The following LMAN1 variants were observed in gnomAD, a reference collection of about 807,000 sequenced individuals.
The protein encoded by LMAN1 is protein ERGIC-53.
LMAN1 carries 32 observed loss-of-function variants against 67.8 expected under a neutral mutation model. That is an observed-to-expected ratio of 0.47 (90% CI 0.36 to 0.63). The LOEUF is 0.63. LMAN1 is among the 30% of genes least tolerant of loss of function. The pLI is 0.00. For synonymous variants in LMAN1, 235 were observed against 219.3 expected (o/e 1.07, Z -0.63); for missense variants, 632 against 628.2 (o/e 1.01, Z -0.06).
In LMAN1 at chr18:59,355,325, G is replaced by A; in HGVS notation, c.465C>T (p.Asp155=). The A allele has an allele frequency of 1.9e-6, 3 of 1,611,526 alleles. No homozygotes were observed. Among genetic ancestry groups the A allele is most frequent in the Non-Finnish European group, 2.5e-6 (3 of 1,177,998 alleles). The change falls in exon 3 of 13, where the codon GAC becomes GAT. Residue 155 remains aspartate (D), a synonymous_variant. Transcript: ENST00000251047. The part of the protein sequence containing the change: ...NGVGIFFDSF[D]NDGKKNNPAI... ...ACAATAAATATACCTTTCCATCATT[G>A]TCAAAAGAATCAAAAAATATTCCAA...
chr18:59,358,991 G>A (rs767703062), intron 1 of LMAN1, 40 bp downstream of exon 1: 4 of 1,588,050 alleles, frequency 2.5e-6, no homozygotes, highest in East Asian at 2.2e-5. Context: ...CAGCAGAAGG[G>A]GGAGAGGAAC....
intron 10 of LMAN1, among the ~76,000 whole-genome samples, chr18:59,334,251 T>A (rs1908093071): frequency 6.6e-6 from 1 of 152,218 alleles, no homozygotes; most frequent in African/African-American, 2.4e-5. Flanking sequence ...GTCACTTAAT[T>A]TGCTCCTACT....
At chr18:59,340,097 C>A (rs1390301977) in intron 8 of LMAN1, among the ~76,000 whole-genome samples, 1 of 152,158 alleles carries the variant, frequency 6.6e-6, no homozygotes, top group Non-Finnish European at 1.5e-5. Flanking sequence ...AGGAAGGGCC[C>A]TGCTCTCCCT....
rs116212715 is a variant in LMAN1 at position 59,352,801 on chromosome 18, T to C, written c.639+401A>G. 4.7e-3 allele frequency: 1,404 copies of C among 296,866 alleles called. 13 individuals are homozygous for C. Among genetic ancestry groups the C allele is most frequent in the Middle Eastern group, 0.027 (22 of 820 alleles). 18.4% of individuals were successfully genotyped at this position (296,866 alleles called of 1,614,324 possible). On this transcript the variant is annotated intron_variant, in intron 5 of 12. Coordinates refer to ENST00000251047, the MANE Select transcript of LMAN1 (RefSeq NM_005570.4). ...GCAACGCAGCATTTATCACACAGCA[T>C]AGGAATGATACATTTGTGTGTCCTC...
chr18:59,353,709 G>A (rs1045870519), intron 4 of LMAN1, among the ~76,000 whole-genome samples: 1 of 152,046 alleles, frequency 6.6e-6, no homozygotes, highest in Non-Finnish European at 1.5e-5. Context: ...CAACAAACAC[G>A]TGAAAATAAA....
chr18:59,351,540 CAT>C (rs746828808), intron 5 of LMAN1: 21 of 152,106 alleles, frequency 1.4e-4, no homozygotes, highest in Non-Finnish European at 2.9e-4. Flanking sequence ...AAAAAAATTC[CAT>C]AGTTAAGTCA....
chr18:59,353,192 TG>T lies in LMAN1; in HGVS notation c.639+9del. 1 of 1,586,848 alleles carries T rather than the reference TG, an allele frequency of 6.3e-7. No homozygotes were observed. Among genetic ancestry groups the T allele is most frequent in the Non-Finnish European group, 8.7e-7 (1 of 1,155,094 alleles). On this transcript the variant is annotated intron_variant, in intron 5 of 12. Transcript: ENST00000251047. The stretch of plus-strand genomic sequence containing the variant: ...GTTTATTTGATTCTCTCTAAATAGA[TG>T]TTACTTACTGTCAGTGTGTTCTGGT...
chr18:59,345,605 G>C (rs1243208834), intron 8 of LMAN1, among the ~76,000 whole-genome samples: 1 of 152,048 alleles, frequency 6.6e-6, no homozygotes, highest in Non-Finnish European at 1.5e-5. Flanking sequence ...TTTATTTTTA[G>C]GCTTAGTGGT....
rs150356983 is a variant in LMAN1, at chr18:59,334,478, T to C, written c.1221-1234A>G. 2.9e-4 allele frequency among the ~76,000 whole-genome samples: 44 copies of C among 152,236 alleles called. No homozygotes were observed. In the East Asian group the frequency reaches 8.3e-3, roughly 29 times the overall value. ...GTGTCAAAAAATGAAGAGGAGCCTA[T>C]GGGGATAGAATTGTGGTTGAAGGAG... On this transcript the variant is annotated intron_variant, in intron 10 of 12. Coordinates refer to ENST00000251047, the MANE Select transcript of LMAN1 (RefSeq NM_005570.4).
intron 4 of LMAN1, among the ~76,000 whole-genome samples, chr18:59,353,776 A>G (rs915662778): frequency 6.6e-6 from 1 of 152,210 alleles, no homozygotes; most frequent in Non-Finnish European, 1.5e-5. Flanking sequence ...TTCAACATCC[A>G]TAGGACATTG....
rs965665985 is a variant in LMAN1, at chr18:59,346,256, T to C, written c.823-205A>G. Among the ~76,000 whole-genome samples the C allele has an allele frequency of 3.6e-5, 5 of 139,096 alleles. No homozygotes were observed. The Admixed American group carries it at 3.7e-4, about 10-fold the overall frequency. The allele number at this position is 139,096 out of a possible 152,430, so 91.3% of individuals were successfully genotyped here. ...TTTTTTAGAGACAAGAGTCGCGCTCTGTCACCCAGGCTGGAGTGCAGTAGC... is the reference window on the plus strand; with the variant it reads ...TTTTTTAGAGACAAGAGTCGCGCTCCGTCACCCAGGCTGGAGTGCAGTAGC... On this transcript the variant is annotated intron_variant, in intron 7 of 12. Coordinates refer to ENST00000251047, the MANE Select transcript of LMAN1 (RefSeq NM_005570.4).
chr18:59,337,959 G>T (rs1269254722), intron 10 of LMAN1, among the ~76,000 whole-genome samples: 1 of 152,112 alleles, frequency 6.6e-6, no homozygotes, highest in Non-Finnish European at 1.5e-5. Flanking sequence ...TGTTATCTCT[G>T]CTCCAGGCAT....
rs538184005 is a variant in LMAN1 at position 59,352,324 on chromosome 18, CA to C, written c.639+877del. The stretch of plus-strand genomic sequence containing the variant: ...TATTCAGGAACTCTCCTTGACTCAA[CA>C]ACTGTGTTCACCCCTAACCCCAAGA... On this transcript the variant is annotated intron_variant, in intron 5 of 12. Coordinates refer to ENST00000251047, the MANE Select transcript of LMAN1 (RefSeq NM_005570.4). Among the ~76,000 whole-genome samples the C allele has an allele frequency of 3.9e-4, 60 of 152,322 alleles. No individual in the cohort carries two copies. The South Asian group carries it at 0.012, about 31-fold the overall frequency.
chr18:59,357,997 A>G (rs527548035), intron 1 of LMAN1, among the ~76,000 whole-genome samples: 3 of 151,238 alleles, frequency 2.0e-5, no homozygotes, highest in East Asian at 3.9e-4. Flanking sequence ...TTAATCACAC[A>G]CAAAGATAGA....
chr18:59,345,961 C>G lies in LMAN1; in HGVS notation c.913G>C (p.Glu305Gln), dbSNP rs770995415. 9.4e-6 allele frequency: 15 copies of G among 1,603,290 alleles called. No homozygotes were observed. Among genetic ancestry groups the G allele is most frequent in the East Asian group, 2.2e-5 (1 of 44,666 alleles). The change falls in exon 8 of 13, where the codon GAG becomes CAG. Residue 305 changes from glutamate to glutamine, a missense_variant. By Grantham distance (29) the Glu-to-Gln change is conservative (BLOSUM62 2). Transcript: ENST00000251047. ...HFQQELDKKK[E>Q]EFQKGHPDLQ... is the part of the protein sequence containing the mutation. ...TCGGGGTGGCCCTTCTGGAATTCCT[C>G]TTTTTTTTTATCCAATTCTTGTTGA...
intron 11 of LMAN1, 44 bp from the exon 12 acceptor site, chr18:59,331,583 G>A (rs2070748149): frequency 1.2e-6 from 2 of 1,603,456 alleles, no homozygotes; most frequent in Non-Finnish European, 1.7e-6. Context: ...CAAAATAGCA[G>A]TTTGGAAAAA....
chr18:59,335,703 G>T (rs1417372694), intron 10 of LMAN1, among the ~76,000 whole-genome samples: 1 of 152,084 alleles, frequency 6.6e-6, no homozygotes, highest in Non-Finnish European at 1.5e-5. Context: ...CATTAACAAA[G>T]AATCTAGCTG....
At chr18:59,345,466 T>C (rs559594696) in intron 8 of LMAN1, among the ~76,000 whole-genome samples, 20 of 152,342 alleles carry the variant, frequency 1.3e-4, no homozygotes, top group African/African-American at 4.6e-4. Context: ...ACAGTTTTGA[T>C]AGATTTTAAG....
At position 59,358,863 on chromosome 18, in the gene LMAN1, C is replaced by T. The variant is rs35622646; in HGVS notation, c.214+168G>A. ...GACAAGCGGAGGGAACCGTGCGAAC[C>T]AGGAGGGACCCGGCGGAGGGGCTGC... On this transcript the variant is annotated intron_variant, in intron 1 of 12. Transcript: ENST00000251047. Among the ~76,000 whole-genome samples, 14,053 of 152,158 alleles carry T rather than the reference C, an allele frequency of 0.092. 779 individuals carry two copies. Among genetic ancestry groups the T allele is most frequent in the Middle Eastern group, 0.14 (41 of 294 alleles).
Sources: allele counts gnomAD v4.1 joint callset (sites outside exome capture counted in the v4.1 genomes callset), GRCh38; gene constraint gnomAD v4.1.1; transcripts MANE v1.5; gene names NCBI Gene and HGNC (gene_info 2026-07-23, HGNC 2026-07-21).